TCF4: variants seen among roughly 807,000 people sequenced by gnomAD.
TCF4 encodes the protein transcription factor 4, also known as SL3-3 enhancer factor 2.
Under a neutral mutation model 82.1 loss-of-function variants are expected in TCF4, and 3 were observed. The ratio of observed to expected loss-of-function variants is 0.04; its 90% CI spans 0.02 to 0.09. TCF4 has a LOEUF of 0.09. TCF4 is among the 10% of genes least tolerant of loss of function. The pLI is 1.00. For missense variants in TCF4, 518 were observed against 852.7 expected, an observed-to-expected ratio of 0.61 and a Z score of 4.89; for synonymous variants, 276 against 309.6, an observed-to-expected ratio of 0.89 and a Z score of 1.14.
At chr18:55,418,998 A>G (rs1443870963) in intron 5 of TCF4, among the ~76,000 whole-genome samples, 1 of 151,762 alleles carries the variant, frequency 6.6e-6, no homozygotes, top group East Asian at 1.9e-4. Flanking sequence ...TGTGTACTGT[A>G]GATCCTATTT....
chr18:55,563,238 CAAAAAAAAAAA>C (rs74182105), intron 3 of TCF4, among the ~76,000 whole-genome samples: 2 of 68,152 alleles, frequency 2.9e-5, no homozygotes, highest in African/African-American at 1.3e-4. Context: ...GACCCTGTCT[CAAAAAAAAAAA>C]AAAAAAAAAA....
At chr18:55,596,307 C>G in intron 2 of TCF4, 12 of 270,980 alleles carry the variant, frequency 4.4e-5, no homozygotes, top group Non-Finnish European at 8.2e-5. Context: ...GAGCTGTAAG[C>G]AGAAGCTTGG....
At chr18:55,456,524 C>A (rs2144617431) in intron 5 of TCF4, among the ~76,000 whole-genome samples, 1 of 152,288 alleles carries the variant, frequency 6.6e-6, no homozygotes, top group Non-Finnish European at 1.5e-5. Context: ...TATGGGGCAA[C>A]TTGCTCACTT....
rs1252195575 is a variant in TCF4 at position 55,224,903 on chromosome 18, T to A, written c.*3132A>T. 2 of 152,520 alleles carry A rather than the reference T, an allele frequency of 1.3e-5. No individual in the cohort carries two copies. Among genetic ancestry groups the A allele is most frequent in the African/African-American group, 4.8e-5 (2 of 41,446 alleles). 9.4% of individuals were successfully genotyped at this position (152,520 alleles called of 1,614,324 possible). ...CTGAAAGAGATCCCCAGCCTAAGTG[T>A]CGTCATACAGATAGCGTAGTATGGA... is the stretch of plus-strand genomic sequence containing the variant. On this transcript the variant is annotated 3_prime_UTR_variant, in exon 20 of 20. Coordinates refer to ENST00000354452, the MANE Select transcript of TCF4 (RefSeq NM_001083962.2).
intron 14 of TCF4, 113 bp from the exon 15 acceptor site, chr18:55,254,813 C>A: frequency 2.1e-6 from 2 of 949,706 alleles, no homozygotes; most frequent in Non-Finnish European, 3.3e-6. Flanking sequence ...TACATGTTTC[C>A]AATAAAATGT....
At chr18:55,340,266 T>C (rs576212466) in intron 8 of TCF4, among the ~76,000 whole-genome samples, 2 of 152,288 alleles carry the variant, frequency 1.3e-5, no homozygotes, top group Non-Finnish European at 2.9e-5. Context: ...TCACAGCCGA[T>C]GTACCAGTTC....
chr18:55,509,128 A>T (rs907019377), intron 3 of TCF4, among the ~76,000 whole-genome samples: 2 of 152,152 alleles, frequency 1.3e-5, no homozygotes, highest in African/African-American at 4.8e-5. Flanking sequence ...TGTGTGTCTT[A>T]TTTCTGTAAG....
chr18:55,262,627 T>C (rs1398764081), intron 11 of TCF4, among the ~76,000 whole-genome samples: 1 of 152,208 alleles, frequency 6.6e-6, no homozygotes, highest in Non-Finnish European at 1.5e-5. Context: ...GAGAGCCTTC[T>C]TTCTTACAAA....
chr18:55,227,840 C>T lies in TCF4; in HGVS notation c.*195G>A. 4.2e-6 allele frequency: 1 copy of T among 236,660 alleles called. No individual in the cohort carries two copies. Among genetic ancestry groups the T allele is most frequent in the Non-Finnish European group, 8.4e-6 (1 of 119,584 alleles). 14.7% of individuals were successfully genotyped at this position (236,660 alleles called of 1,614,324 possible). On this transcript the variant is annotated 3_prime_UTR_variant, in exon 20 of 20. Transcript: ENST00000354452. ...TCCCTCAAGTTGCACTTTTTTCTTT[C>T]TTTTTTTTGTTTTTCTGTTTTTTGA... is the stretch of plus-strand genomic sequence containing the variant.
At chr18:55,615,898 T>C (rs1485685277) in intron 2 of TCF4, among the ~76,000 whole-genome samples, 2 of 152,176 alleles carry the variant, frequency 1.3e-5, no homozygotes, top group African/African-American at 4.8e-5. Flanking sequence ...GAATTTGATA[T>C]GCTAAAATTT....
intron 5 of TCF4, among the ~76,000 whole-genome samples, chr18:55,414,829 A>T (rs191623500): frequency 6.6e-6 from 1 of 152,222 alleles, no homozygotes; most frequent in African/African-American, 2.4e-5. Flanking sequence ...AAAACAAAAA[A>T]TATTTTACTC....
intron 3 of TCF4, among the ~76,000 whole-genome samples, chr18:55,544,973 G>A (rs2097193695): frequency 6.6e-6 from 1 of 152,232 alleles, no homozygotes; most frequent in African/African-American, 2.4e-5. Context: ...ACAGCCAGGT[G>A]TTACGAACAA....
At chr18:55,237,544 A>G (rs967207460) in intron 15 of TCF4, among the ~76,000 whole-genome samples, 1 of 141,810 alleles carries the variant, frequency 7.1e-6, no homozygotes, top group African/African-American at 2.7e-5. Context: ...ATCTCCGTTC[A>G]CTGCAACCTC....
At chr18:55,404,758 A>G (rs1006816082) in intron 5 of TCF4, among the ~76,000 whole-genome samples, 2 of 152,228 alleles carry the variant, frequency 1.3e-5, no homozygotes, top group African/African-American at 4.8e-5. Flanking sequence ...ATTTATATCC[A>G]TAAATTTTTC....
intron 6 of TCF4, among the ~76,000 whole-genome samples, 183 bp downstream of exon 6, chr18:55,403,271 T>C (rs1301721041): frequency 2.0e-5 from 3 of 152,198 alleles, no homozygotes; most frequent in Non-Finnish European, 2.9e-5. Flanking sequence ...AGCAGCGATC[T>C]AAAGATGAGG....
chr18:55,627,926 G>A (rs1568507144), intron 2 of TCF4, among the ~76,000 whole-genome samples: 1 of 152,122 alleles, frequency 6.6e-6, no homozygotes, highest in African/African-American at 2.4e-5. Context: ...AGGGCGTGGT[G>A]GCAGGCGCCT....
intron 3 of TCF4, among the ~76,000 whole-genome samples, chr18:55,504,122 GCT>G (rs1191293424): frequency 6.6e-6 from 1 of 152,176 alleles, no homozygotes; most frequent in Non-Finnish European, 1.5e-5. Context: ...TATCTCTGCT[GCT>G]CTCATATGTA....
In TCF4 at chr18:55,225,835, G is replaced by A. The variant is rs1215221633; in HGVS notation, c.*2200C>T. 1 of 152,620 alleles carries A rather than the reference G, an allele frequency of 6.6e-6. No homozygotes were observed. The highest frequency in any genetic ancestry group is 2.4e-5 in the African/African-American group (1 of 41,560). The allele number at this position is 152,620 out of a possible 1,614,324, so 9.5% of individuals were successfully genotyped here. The stretch of plus-strand genomic sequence containing the variant: ...TTATCAACAAATCAAAGTTATTTTA[G>A]TTTTATCGCTACTGAACATATTTAC... On this transcript the variant is annotated 3_prime_UTR_variant, in exon 20 of 20. Transcript: ENST00000354452.
At chr18:55,334,501 C>T (rs1267338709) in intron 8 of TCF4, among the ~76,000 whole-genome samples, 1 of 152,034 alleles carries the variant, frequency 6.6e-6, no homozygotes, top group African/African-American at 2.4e-5. Flanking sequence ...AGACCCCCAG[C>T]TTAGAAAAGA....
Sources: gnomAD v4.1 joint callset for allele counts (sites outside exome capture counted in the v4.1 genomes callset) on GRCh38, gnomAD v4.1.1 for gene constraint, MANE v1.5 for transcripts, NCBI Gene and HGNC (gene_info 2026-07-23, HGNC 2026-07-21) for gene names.